The following ELFN2 variants were observed in gnomAD, a reference collection of about 807,000 sequenced individuals.
ELFN2 encodes extracellular leucine rich repeat and fibronectin type III domain containing 2.
ELFN2 carries 17 observed loss-of-function variants against 45.5 expected under a neutral mutation model. The observed-to-expected ratio is 0.37, with a 90% CI of 0.26 to 0.56. ELFN2 has a LOEUF of 0.56. Among genes scored for constraint, ELFN2 ranks in the 20% least tolerant of loss-of-function variants. The probability of loss-of-function intolerance (pLI) is 0.77; values close to 1 mark genes in which losing one functional copy is unlikely to be tolerated. For missense variants in ELFN2, 922 were observed against 1,183.2 expected, an observed-to-expected ratio of 0.78 and a Z score of 3.24; for synonymous variants, 550 against 551.5, an observed-to-expected ratio of 1.00 and a Z score of 0.04.
At position 37,348,755 on chromosome 22, in the gene ELFN2, G is replaced by A. The variant is rs756642394; in HGVS notation, n.149-6052C>T. ...GTCCTATCTGAGGAATGTGCCACCCGAGAGGGACCTGGGGAGGGGGAAGGT... is the reference window on the plus strand; with the variant it reads ...GTCCTATCTGAGGAATGTGCCACCCAAGAGGGACCTGGGGAGGGGGAAGGT... On this transcript the variant is annotated intron_variant and non_coding_transcript_variant, in intron 1 of 2. Transcript: ENST00000452946. Among the ~76,000 whole-genome samples the A allele has an allele frequency of 1.5e-4, 22 of 150,802 alleles. 1 individual carries two copies. The highest frequency in any genetic ancestry group is 5.1e-4 in the African/African-American group (21 of 41,350).
intron 1 of ELFN2, among the ~76,000 whole-genome samples, chr22:37,422,912 G>GTCCCCACT (rs1253635588): frequency 8.0e-6 from 1 of 125,136 alleles, no homozygotes; most frequent in East Asian, 2.5e-4. Flanking sequence ...CGGTACTTTT[G>GTCCCCACT]TCCCCACTTC....
At chr22:37,388,431 ATTTG>A (rs747808578) in intron 2 of ELFN2, among the ~76,000 whole-genome samples, 1 of 152,106 alleles carries the variant, frequency 6.6e-6, no homozygotes, top group Non-Finnish European at 1.5e-5. Context: ...CTCAATAAAT[ATTTG>A]TTCATGGCTG....
intron 2 of ELFN2, among the ~76,000 whole-genome samples, chr22:37,400,413 C>T (rs989440401): frequency 4.6e-5 from 7 of 152,236 alleles, no homozygotes; most frequent in Non-Finnish European, 7.3e-5. Context: ...ACCTGGAGGG[C>T]CAGGGCTGCC....
chr22:37,383,992 CAT>C (rs962521863), intron 2 of ELFN2, among the ~76,000 whole-genome samples: 5 of 152,256 alleles, frequency 3.3e-5, no homozygotes, highest in African/African-American at 7.2e-5. Context: ...CCACAGTACA[CAT>C]GTGTCTCTGG....
intron 2 of ELFN2, among the ~76,000 whole-genome samples, chr22:37,415,080 G>A (rs1276118135): frequency 1.3e-5 from 2 of 152,218 alleles, no homozygotes; most frequent in Non-Finnish European, 2.9e-5. Flanking sequence ...CAGCTTCCAG[G>A]AAAGTGGCAG....
At chr22:37,397,911 A>G (rs1422414043) in intron 2 of ELFN2, among the ~76,000 whole-genome samples, 2 of 151,788 alleles carry the variant, frequency 1.3e-5, no homozygotes, top group African/African-American at 4.8e-5. Context: ...GGTTCCCCTC[A>G]GCTGTGTGGC....
At chr22:37,420,296 C>T (rs1932800227) in intron 1 of ELFN2, 2 of 152,648 alleles carry the variant, frequency 1.3e-5, no homozygotes, top group East Asian at 1.9e-4. Flanking sequence ...GCCCCGTGCG[C>T]CCCCAGGACG....
chr22:37,419,462 G>T (rs1932792568), intron 1 of ELFN2, among the ~76,000 whole-genome samples: 1 of 151,906 alleles, frequency 6.6e-6, no homozygotes, highest in African/African-American at 2.4e-5. Context: ...TAGAGACCAA[G>T]GTGCACTGCA....
chr22:37,418,524 G>C (rs5995430), intron 1 of ELFN2, among the ~76,000 whole-genome samples: 4,421 of 151,754 alleles, frequency 0.029, 220 homozygotes, highest in African/African-American at 0.1. Flanking sequence ...TCACACCCCA[G>C]TCACAGCCAT....
intron 2 of ELFN2, among the ~76,000 whole-genome samples, chr22:37,389,632 G>GTGCGA (rs1271742871): frequency 6.6e-6 from 1 of 152,114 alleles, no homozygotes; most frequent in Non-Finnish European, 1.5e-5. Context: ...CTGAGGTGCG[G>GTGCGA]ACGAGGAACA....
Position 37,374,055 on chromosome 22 carries a change from G to T in ELFN2, c.1480C>A (p.Pro494Thr), listed in dbSNP as rs1931479179. Residue 494 changes from proline to threonine, a missense_variant, in exon 3 of 3, where the codon CCC (proline) becomes ACC (threonine). Pro to Thr is a conservative substitution (Grantham distance 38, BLOSUM62 -1). Coordinates refer to ENST00000402918, the MANE Select transcript of ELFN2 (RefSeq NM_052906.5). ...AKGLEAGLDTPKVATKGNYIE... is the reference protein window; with the variant it reads ...AKGLEAGLDTTKVATKGNYIE... ...TAGTTGCCTTTGGTGGCTACCTTGG[G>T]TGTGTCCAGCCCGGCCTCCAACCCC... 3 of 1,613,214 alleles carry T rather than the reference G, an allele frequency of 1.9e-6. No homozygotes were observed. The highest frequency in any genetic ancestry group is 1.7e-6 in the Non-Finnish European group (2 of 1,180,018).
chr22:37,422,500 T>G (rs1050847156), intron 1 of ELFN2, among the ~76,000 whole-genome samples: 1 of 151,162 alleles, frequency 6.6e-6, no homozygotes, highest in Non-Finnish European at 1.5e-5. Flanking sequence ...AGGTCAGGAG[T>G]TCGAGACCAG....
In ELFN2 at chr22:37,375,004, C is replaced by CAGGCTGGCG. The variant is rs1931532122; in HGVS notation, c.522_530dup (p.Ala175_Leu177dup). The CAGGCTGGCG allele has an allele frequency of 6.2e-7, 1 of 1,613,414 alleles. No homozygotes were observed. Among genetic ancestry groups the CAGGCTGGCG allele is most frequent in the Admixed American group, 1.7e-5 (1 of 60,012 alleles). On this transcript the variant is annotated inframe_insertion, in exon 3 of 3. Coordinates refer to ENST00000402918, the MANE Select transcript of ELFN2 (RefSeq NM_052906.5). ...GGTTGCCGGCCAGCTCACACACCAT[C>CAGGCTGGCG]AGGCTGGCGAGGCTGGCAAAGGTGG...
chr22:37,410,883 G>A (rs947805429), intron 2 of ELFN2, among the ~76,000 whole-genome samples: 4 of 152,118 alleles, frequency 2.6e-5, no homozygotes, highest in African/African-American at 9.7e-5. Context: ...GGGCCACAGG[G>A]GCAGACACCC....
intron 1 of ELFN2, among the ~76,000 whole-genome samples, chr22:37,343,233 T>C (rs749005413): frequency 1.8e-4 from 27 of 152,042 alleles, no homozygotes; most frequent in Non-Finnish European, 3.4e-4. Context: ...AGGAATCCCA[T>C]AAGTGAGGCA....
chr22:37,418,022 G>A (rs993002447), intron 1 of ELFN2, 103 bp from the exon 2 acceptor site: 1 of 152,476 alleles, frequency 6.6e-6, no homozygotes, highest in Admixed American at 6.5e-5. Flanking sequence ...CTGAAGTCTT[G>A]AAGGGTACAC....
rs1931452957 is a variant in ELFN2 at position 37,373,565 on chromosome 22, G to T, written c.1970C>A (p.Ala657Asp). 3.1e-6 allele frequency: 5 copies of T among 1,604,172 alleles called. No individual in the cohort carries two copies. The highest frequency in any genetic ancestry group is 3.4e-6 in the Non-Finnish European group (4 of 1,176,626). Residue 657 changes from alanine (A) to aspartate (D), a missense_variant, in exon 3 of 3, where the codon GCT becomes GAT. Physicochemically the swap from Ala to Asp is moderately radical, Grantham distance 126 (BLOSUM62 -2). Coordinates refer to ENST00000402918, the MANE Select transcript of ELFN2 (RefSeq NM_052906.5). ...CTCGATGTACTTGGAGTCGCCCTTA[G>T]CCAGCCCTGTGGCGGCCGGATGGTC... ...VPDHPAATGL[A>D]KGDSKYIEKG...
chr22:37,359,043 T>C (rs5756647), intron 1 of ELFN2, among the ~76,000 whole-genome samples: 51,650 of 151,784 alleles, frequency 0.34, 9,466 homozygotes, highest in South Asian at 0.51. Flanking sequence ...TATGTTGGTA[T>C]TGGAAGCCCT....
chr22:37,419,950 C>T (rs1932796542), intron 1 of ELFN2, among the ~76,000 whole-genome samples: 1 of 152,296 alleles, frequency 6.6e-6, no homozygotes, highest in South Asian at 2.1e-4. Context: ...GCTTTCCGAT[C>T]CCGGGCACCG....
Sources: allele counts gnomAD v4.1 joint callset (sites outside exome capture counted in the v4.1 genomes callset), GRCh38; gene constraint gnomAD v4.1.1; transcripts MANE v1.5; gene names NCBI Gene and HGNC (gene_info 2026-07-23, HGNC 2026-07-21).